OR3A2: variants seen among roughly 807,000 people sequenced by gnomAD.
OR3A2 encodes olfactory receptor family 3 subfamily A member 2, also known as olfactory receptor 3A2.
For synonymous variants in OR3A2, 126 were observed against 159.3 expected (o/e 0.79, Z 1.57); for missense variants, 318 against 392.8 (o/e 0.81, Z 1.61).
At chr17:3,281,607 C>A (rs2048777381) in intron 1 of OR3A2, among the ~76,000 whole-genome samples, 1 of 151,850 alleles carries the variant, frequency 6.6e-6, no homozygotes, top group African/African-American at 2.4e-5. Context: ...CTTCCAACGA[C>A]TAGCTCTTTC....
At chr17:3,331,479 T>C (rs1455161298) in intron 3 of OR3A2, among the ~76,000 whole-genome samples, 2 of 151,858 alleles carry the variant, frequency 1.3e-5, no homozygotes, top group Non-Finnish European at 2.9e-5. Flanking sequence ...CTTCCATCGC[T>C]GATACCCTTT....
At chr17:3,301,349 A>G (rs1216274666) in intron 3 of OR3A2, among the ~76,000 whole-genome samples, 1 of 151,882 alleles carries the variant, frequency 6.6e-6, no homozygotes, top group Non-Finnish European at 1.5e-5. Context: ...CCTCTCCAGC[A>G]CCTGTTGTTT....
At chr17:3,385,240 C>T (rs2049767976) in intron 1 of OR3A2, among the ~76,000 whole-genome samples, 2 of 152,112 alleles carry the variant, frequency 1.3e-5, no homozygotes, top group African/African-American at 2.4e-5. Context: ...CCTGAAGAAC[C>T]ATATAATGTG....
At chr17:3,277,995 A>T (rs770457642) in exon 2 of OR3A2, 3 of 1,599,492 alleles carry the variant, frequency 1.9e-6, no homozygotes, top group Non-Finnish European at 2.6e-6. Context: ...CCTCCCCAAA[A>T]ATATTTGCCA....
At chr17:3,332,299 C>T (rs2200197) in intron 3 of OR3A2, among the ~76,000 whole-genome samples, 26,067 of 152,138 alleles carry the variant, frequency 0.17, 3,061 homozygotes, top group Admixed American at 0.34. Context: ...GGCGGGCGCC[C>T]CTCCCCCAGC....
At chr17:3,359,512 T>C (rs2049491740) in intron 2 of OR3A2, among the ~76,000 whole-genome samples, 1 of 151,772 alleles carries the variant, frequency 6.6e-6, no homozygotes, top group South Asian at 2.1e-4. Flanking sequence ...AAAAGGAACA[T>C]ATTTCTCCCT....
At chr17:3,339,281 C>T (rs189970486) in intron 2 of OR3A2, among the ~76,000 whole-genome samples, 1 of 152,174 alleles carries the variant, frequency 6.6e-6, no homozygotes. Context: ...CCTGACTGCC[C>T]TAGCAAAGAA....
chr17:3,313,623 T>A (rs771380233), intron 3 of OR3A2, among the ~76,000 whole-genome samples: 18 of 152,228 alleles, frequency 1.2e-4, no homozygotes, highest in Non-Finnish European at 2.2e-4. Context: ...TCAATCTTCA[T>A]CTTTCAACCA....
chr17:3,316,372 T>C (rs1645348119), intron 3 of OR3A2, among the ~76,000 whole-genome samples: 1 of 152,182 alleles, frequency 6.6e-6, no homozygotes, highest in Non-Finnish European at 1.5e-5. Flanking sequence ...GCAGATGTCA[T>C]TTTACACACC....
At chr17:3,336,863 C>G (rs2049277908) in intron 2 of OR3A2, among the ~76,000 whole-genome samples, 1 of 152,184 alleles carries the variant, frequency 6.6e-6, no homozygotes, top group Non-Finnish European at 1.5e-5. Flanking sequence ...TCTGAGTAAA[C>G]AAACGCTGCA....
intron 3 of OR3A2, among the ~76,000 whole-genome samples, chr17:3,308,851 A>G (rs1015711067): frequency 6.6e-6 from 1 of 152,272 alleles, no homozygotes; most frequent in East Asian, 1.9e-4. Flanking sequence ...GTTAGCCTCC[A>G]TGTGAGAGAC....
At chr17:3,319,187 A>G (rs2049099710) in intron 3 of OR3A2, among the ~76,000 whole-genome samples, 1 of 152,152 alleles carries the variant, frequency 6.6e-6, no homozygotes, top group Non-Finnish European at 1.5e-5. Context: ...ACTGTATGCA[A>G]GGACAATCTA....
intron 2 of OR3A2, among the ~76,000 whole-genome samples, chr17:3,349,362 A>G (rs1567563865): frequency 1.3e-5 from 2 of 152,142 alleles, no homozygotes. Context: ...GGAAAACAAA[A>G]AAAGGCAGGG....
intron 3 of OR3A2, among the ~76,000 whole-genome samples, chr17:3,332,593 C>G (rs1247379036): frequency 6.6e-6 from 1 of 152,204 alleles, no homozygotes; most frequent in Non-Finnish European, 1.5e-5. Flanking sequence ...GACCTGCGCC[C>G]ACTGTCTGGC....
intron 3 of OR3A2, among the ~76,000 whole-genome samples, chr17:3,297,260 A>G (rs572135851): frequency 1.3e-5 from 2 of 152,314 alleles, no homozygotes; most frequent in Admixed American, 1.3e-4. Context: ...AAAATCATTC[A>G]CTATAAATAC....
At chr17:3,319,683 T>A (rs1488110245) in intron 3 of OR3A2, among the ~76,000 whole-genome samples, 1 of 152,206 alleles carries the variant, frequency 6.6e-6, no homozygotes. Flanking sequence ...GTTTCATCCA[T>A]GTCCCTACAA....
chr17:3,347,245 T>C (rs952371500), intron 2 of OR3A2, among the ~76,000 whole-genome samples: 2 of 152,114 alleles, frequency 1.3e-5, no homozygotes, highest in East Asian at 1.9e-4. Flanking sequence ...TCTTCTTTTT[T>C]TTTTTATCAT....
At chr17:3,373,278 A>C (rs1399609252) in intron 2 of OR3A2, among the ~76,000 whole-genome samples, 1 of 152,172 alleles carries the variant, frequency 6.6e-6, no homozygotes, top group Non-Finnish European at 1.5e-5. Flanking sequence ...TGCAGTTGTT[A>C]GGTAGAATGT....
chr17:3,308,343 G>A (rs76402508), intron 3 of OR3A2, among the ~76,000 whole-genome samples: 23,257 of 152,002 alleles, frequency 0.15, 2,365 homozygotes, highest in African/African-American at 0.29. Flanking sequence ...GAGGCTGCTG[G>A]GCCGGCGGGA....
Sources: gnomAD v4.1 joint callset for allele counts (sites outside exome capture counted in the v4.1 genomes callset) on GRCh38, gnomAD v4.1.1 for gene constraint, MANE v1.5 for transcripts, NCBI Gene and HGNC (gene_info 2026-07-23, HGNC 2026-07-21) for gene names.